The following RYR2 variants were observed in gnomAD, a reference collection of about 807,000 sequenced individuals.
The protein encoded by RYR2 is ryanodine receptor 2.
Under a neutral mutation model 601.1 loss-of-function variants are expected in RYR2, and 227 were observed. That is an observed-to-expected ratio of 0.38 (90% confidence interval 0.34 to 0.42). The LOEUF (loss-of-function observed/expected upper bound fraction) is 0.42. RYR2 is among the 10% of genes least tolerant of loss of function. The pLI, the probability that RYR2 is intolerant of heterozygous loss-of-function variation, is 1.00. For missense variants in RYR2, 4,646 were observed against 6,156.5 expected (o/e 0.75, Z 8.21); for synonymous variants, 2,223 against 2,175.1 (o/e 1.02, Z -0.61).
At chr1:237,602,245 A>T (rs1676582523) in intron 35 of RYR2, 134 bp downstream of exon 35, 6 of 622,866 alleles carry the variant, frequency 9.6e-6, no homozygotes, top group Non-Finnish European at 1.6e-5. Context: ...AAAGATAGCC[A>T]TGCTTGAAAA....
chr1:237,211,284 T>A (rs1219763837), intron 1 of RYR2, among the ~76,000 whole-genome samples: 1 of 152,184 alleles, frequency 6.6e-6, no homozygotes, highest in Non-Finnish European at 1.5e-5. Context: ...GTGCCAGTAT[T>A]TAGATTTGAC....
rs939164326 is a variant in RYR2 at position 237,387,362 on chromosome 1, G to A, written c.658G>A (p.Gly220Arg). The A allele has an allele frequency of 6.2e-7, 1 of 1,613,864 alleles. No homozygotes were observed. The highest frequency in any genetic ancestry group is 8.5e-7 in the Non-Finnish European group (1 of 1,179,884). The change falls in exon 9 of 105, where the codon GGA becomes AGA. Residue 220 changes from glycine to arginine, a missense_variant. Coordinates refer to ENST00000366574, the MANE Select transcript of RYR2 (RefSeq NM_001035.3). ...CTGGAGCGTGGCCCCAATCAGCTCAGGAAGTGAGGCAGCCCAAGGTAAAAA... is the reference window on the plus strand; with the variant it reads ...CTGGAGCGTGGCCCCAATCAGCTCAAGAAGTGAGGCAGCCCAAGGTAAAAA... ...TLWSVAPISS[G>R]SEAAQGYLIG...
intron 56 of RYR2, 63 bp from the exon 57 acceptor site, chr1:237,666,449 T>C: frequency 7.2e-7 from 1 of 1,394,534 alleles, no homozygotes; most frequent in South Asian, 1.3e-5. Context: ...TTTTAAAGTA[T>C]AAGTTAAGTC....
At chr1:237,383,686 C>A (rs1701752027) in intron 8 of RYR2, among the ~76,000 whole-genome samples, 1 of 152,042 alleles carries the variant, frequency 6.6e-6, no homozygotes, top group Admixed American at 6.5e-5. Context: ...GCCTTGGCCT[C>A]CCAAAGTGCT....
rs140497192 is a variant in RYR2 at position 237,351,916 on chromosome 1, A to G, written c.274-4049A>G. The stretch of plus-strand genomic sequence containing the variant: ...TATTTATCAGGGACTGTAGGTGTAG[A>G]AATCCTCCACAAAATATTAAAATAT... On this transcript the variant is annotated intron_variant, in intron 3 of 104. Transcript: ENST00000366574. Among the ~76,000 whole-genome samples the G allele has an allele frequency of 4.6e-5, 7 of 151,522 alleles. No individual in the cohort carries two copies. The East Asian group carries it at 1.4e-3, about 29-fold the overall frequency.
intron 1 of RYR2, among the ~76,000 whole-genome samples, chr1:237,148,523 A>ATAT (rs1316106371): frequency 4.1e-5 from 2 of 48,286 alleles, no homozygotes; most frequent in Non-Finnish European, 4.5e-5. Flanking sequence ...AGTAAAAAAA[A>ATAT]AAAAATATAT....
chr1:237,656,336 G>A (rs1430024243), intron 53 of RYR2, among the ~76,000 whole-genome samples: 1 of 151,828 alleles, frequency 6.6e-6, no homozygotes, highest in Non-Finnish European at 1.5e-5. Context: ...TTTTACTTAG[G>A]ATGTACCCAG....
intron 1 of RYR2, among the ~76,000 whole-genome samples, chr1:237,252,391 C>T (rs1687546269): frequency 1.3e-5 from 2 of 152,070 alleles, no homozygotes; most frequent in South Asian, 4.2e-4. Context: ...ATTAGTGTCC[C>T]CTCATCAGAG....
chr1:237,278,864 CA>C (rs1036435175), intron 2 of RYR2, among the ~76,000 whole-genome samples: 5 of 152,196 alleles, frequency 3.3e-5, no homozygotes, highest in Admixed American at 6.5e-5. Context: ...TTCTCCTTTT[CA>C]TTTATAATCA....
intron 29 of RYR2, among the ~76,000 whole-genome samples, chr1:237,569,937 G>A (rs879828151): frequency 1.4e-4 from 22 of 152,166 alleles, no homozygotes; most frequent in Admixed American, 3.9e-4. Context: ...TGGAGGGTGG[G>A]CCGGGTTCAG....
At chr1:237,460,427 GA>G (rs1301417546) in intron 16 of RYR2, among the ~76,000 whole-genome samples, 1 of 152,098 alleles carries the variant, frequency 6.6e-6, no homozygotes, top group Non-Finnish European at 1.5e-5. Flanking sequence ...GTCATATAGG[GA>G]ATGAATGTTA....
At chr1:237,779,220 C>T (rs966054318) in intron 88 of RYR2, among the ~76,000 whole-genome samples, 4 of 152,108 alleles carry the variant, frequency 2.6e-5, no homozygotes, top group African/African-American at 9.7e-5. Flanking sequence ...TTACCCCTAA[C>T]CAGTGTATTT....
intron 22 of RYR2, among the ~76,000 whole-genome samples, chr1:237,505,566 G>A (rs1317553636): frequency 6.6e-6 from 1 of 152,170 alleles, no homozygotes; most frequent in Non-Finnish European, 1.5e-5. Context: ...GCTAAAAGGT[G>A]GGAGGATATG....
intron 1 of RYR2, among the ~76,000 whole-genome samples, chr1:237,064,648 A>T (rs1435941838): frequency 2.0e-5 from 3 of 150,618 alleles, no homozygotes; most frequent in Admixed American, 6.6e-5. Context: ...ATTGAGGCTT[A>T]TTTGTCTCCA....
chr1:237,503,469 A>G lies in RYR2; in HGVS notation c.2577A>G (p.Gln859=). The G allele has an allele frequency of 6.2e-7, 1 of 1,613,954 alleles. No homozygotes were observed. The highest frequency in any genetic ancestry group is 8.5e-7 in the Non-Finnish European group (1 of 1,179,882). The change falls in exon 22 of 105, where the codon CAA becomes CAG. Residue 859 remains glutamine, a synonymous_variant. Transcript: ENST00000366574. Reference sequence around the variant, plus strand: ...TGGGCCCCACAGTTTCCCTGACGCAAGCTGCCTTCACACCCATCCCTGTGG... The same window carrying G: ...TGGGCCCCACAGTTTCCCTGACGCAGGCTGCCTTCACACCCATCCCTGTGG... ...DLLGPTVSLT[Q]AAFTPIPVDT...
intron 1 of RYR2, among the ~76,000 whole-genome samples, chr1:237,085,055 A>G (rs751135691): frequency 2.2e-4 from 33 of 152,236 alleles, no homozygotes; most frequent in Non-Finnish European, 4.4e-4. Context: ...TCTTTCCACA[A>G]AAACTACTCA....
intron 58 of RYR2, among the ~76,000 whole-genome samples, chr1:237,670,540 C>T (rs1684840090): frequency 6.6e-6 from 1 of 152,120 alleles, no homozygotes. Flanking sequence ...TTGTGAAATT[C>T]TTGACAGGGT....
chr1:237,590,523 A>C (rs549787857), intron 30 of RYR2, 117 bp from the exon 31 acceptor site: 1 of 705,438 alleles, frequency 1.4e-6, no homozygotes, highest in Non-Finnish European at 2.3e-6. Flanking sequence ...TTACAAAATG[A>C]TGCCATGTGT....
rs192809113 is a variant in RYR2 at position 237,433,189 on chromosome 1, G to C, written c.1006-8130G>C. Among the ~76,000 whole-genome samples the C allele has an allele frequency of 6.5e-4, 99 of 152,068 alleles. 1 individual carries two copies. Among genetic ancestry groups the C allele is most frequent in the Non-Finnish European group, 1.1e-3 (77 of 67,938 alleles). ...TCCAGCTACAAGGTACAGAAAAAAG[G>C]GCTGTGGAACTAACATAATTTGATA... On this transcript the variant is annotated intron_variant, in intron 12 of 104. Transcript: ENST00000366574.
Sources: gnomAD v4.1 joint callset for allele counts (sites outside exome capture counted in the v4.1 genomes callset) on GRCh38, gnomAD v4.1.1 for gene constraint, MANE v1.5 for transcripts, NCBI Gene and HGNC (gene_info 2026-07-23, HGNC 2026-07-21) for gene names.